The following STAG1 variants were observed in gnomAD, a reference collection of about 807,000 sequenced individuals.
The protein encoded by STAG1 is STAG1 cohesin complex component, also known as cohesin subunit SA-1.
Under a neutral mutation model 170.9 loss-of-function variants are expected in STAG1, and 26 were observed. The observed-to-expected ratio is 0.15, with a 90% CI of 0.11 to 0.21. STAG1 has a LOEUF of 0.21. Among genes scored for constraint, STAG1 ranks in the 10% least tolerant of loss-of-function variants. The probability of loss-of-function intolerance (pLI) is 1.00; values close to 1 mark genes in which losing one functional copy is unlikely to be tolerated. For synonymous variants in STAG1, 514 were observed against 497.7 expected (o/e 1.03, Z -0.44); for missense variants, 964 against 1,509.5 (o/e 0.64, Z 5.99).
chr3:136,550,406 C>T (rs1374122542), intron 5 of STAG1, among the ~76,000 whole-genome samples: 3 of 151,706 alleles, frequency 2.0e-5, no homozygotes, highest in African/African-American at 4.8e-5. Flanking sequence ...CTCCCGGATT[C>T]ACGCCATTCT....
chr3:136,707,187 A>G (rs532293677), intron 1 of STAG1, among the ~76,000 whole-genome samples: 27 of 152,316 alleles, frequency 1.8e-4, no homozygotes, highest in African/African-American at 6.5e-4. Flanking sequence ...CCATGTACCT[A>G]AAGAAAAATT....
chr3:136,358,227 C>G lies in STAG1; in HGVS notation c.2937-379G>C, dbSNP rs149205877. ...AGCCTCCCGAGTAGCTGGGACTACA[C>G]GTGTGTGCCACCACACCTGGGTAAT... On this transcript the variant is annotated intron_variant, in intron 27 of 33. Coordinates refer to ENST00000383202, the MANE Select transcript of STAG1 (RefSeq NM_005862.3). Among the ~76,000 whole-genome samples, 289 of 151,860 alleles carry G rather than the reference C, an allele frequency of 1.9e-3. 8 individuals carry two copies. In the East Asian group the frequency reaches 0.048, roughly 25 times the overall value.
chr3:136,459,244 AAAG>A (rs894531832), intron 13 of STAG1, among the ~76,000 whole-genome samples: 6 of 151,864 alleles, frequency 4.0e-5, no homozygotes, highest in African/African-American at 1.5e-4. Flanking sequence ...AAAGAAAAGA[AAAG>A]AAAAGAAAAA....
At chr3:136,350,961 T>C (rs996944845) in intron 28 of STAG1, among the ~76,000 whole-genome samples, 15 of 152,196 alleles carry the variant, frequency 9.9e-5, no homozygotes, top group Admixed American at 7.2e-4. Context: ...CCTGGAGTCA[T>C]AGTCAATCCT....
At chr3:136,416,296 G>A (rs1334250728) in intron 21 of STAG1, among the ~76,000 whole-genome samples, 3 of 152,132 alleles carry the variant, frequency 2.0e-5, no homozygotes, top group Non-Finnish European at 2.9e-5. Flanking sequence ...GTGAGCCACC[G>A]CGCCCAGCCC....
At chr3:136,630,011 C>A (rs1940267193) in intron 2 of STAG1, among the ~76,000 whole-genome samples, 3 of 152,002 alleles carry the variant, frequency 2.0e-5, no homozygotes, top group Non-Finnish European at 1.5e-5. Flanking sequence ...GCCTGGCCAA[C>A]ATAGTGAAAC....
intron 12 of STAG1, among the ~76,000 whole-genome samples, chr3:136,466,098 CT>C (rs1387173304): frequency 6.6e-6 from 1 of 152,182 alleles, no homozygotes; most frequent in African/African-American, 2.4e-5. Flanking sequence ...CAGATCGCCT[CT>C]CCCCCTCCAA....
At chr3:136,525,915 T>C (rs962665211) in intron 6 of STAG1, among the ~76,000 whole-genome samples, 3 of 152,214 alleles carry the variant, frequency 2.0e-5, no homozygotes, top group African/African-American at 7.2e-5. Flanking sequence ...TTTGAGTGAG[T>C]TTCTTAATCC....
intron 9 of STAG1, among the ~76,000 whole-genome samples, chr3:136,489,586 T>C (rs2090082027): frequency 6.6e-6 from 1 of 152,138 alleles, no homozygotes. Context: ...ACTCTCTAAA[T>C]TGCAGCACCC....
chr3:136,430,645 C>T (rs953325766), intron 16 of STAG1, among the ~76,000 whole-genome samples: 17 of 139,230 alleles, frequency 1.2e-4, no homozygotes, highest in African/African-American at 1.6e-4. Flanking sequence ...AAAAAAAAAG[C>T]GAAAATATCT....
At chr3:136,625,001 A>T (rs190149183) in intron 2 of STAG1, among the ~76,000 whole-genome samples, 327 of 152,304 alleles carry the variant, frequency 2.1e-3, no homozygotes, top group African/African-American at 7.1e-3. Context: ...TTAACTTTTT[A>T]AAACAGATAT....
intron 1 of STAG1, among the ~76,000 whole-genome samples, chr3:136,669,906 A>G (rs1208603152): frequency 6.6e-6 from 1 of 152,254 alleles, no homozygotes. Context: ...TACTCCATAT[A>G]CCATAATAGT....
At chr3:136,379,670 C>T (rs1357077727) in intron 22 of STAG1, among the ~76,000 whole-genome samples, 3 of 152,118 alleles carry the variant, frequency 2.0e-5, no homozygotes, top group African/African-American at 7.2e-5. Context: ...GACTGCGCCA[C>T]TGCACCCCAG....
At chr3:136,576,035 T>A (rs1400952073) in intron 4 of STAG1, among the ~76,000 whole-genome samples, 1 of 152,212 alleles carries the variant, frequency 6.6e-6, no homozygotes, top group African/African-American at 2.4e-5. Context: ...GAGAAAATAT[T>A]TATTTGCATG....
intron 6 of STAG1, among the ~76,000 whole-genome samples, chr3:136,521,666 T>C (rs1417892633): frequency 2.0e-5 from 3 of 152,168 alleles, no homozygotes; most frequent in East Asian, 1.9e-4. Flanking sequence ...AAGTCTTTGG[T>C]TGAAAATAAT....
rs1943496086 is a variant in STAG1 at position 136,714,992 on chromosome 3, T to TAAA, written c.-84+37202_-84+37203insTTT. On this transcript the variant is annotated intron_variant, in intron 1 of 33. Transcript: ENST00000383202. ...TATATATATATTTTTATATATATAT[T>TAAA]TTATATATATAATATATATATAAAA... Among the ~76,000 whole-genome samples the TAAA allele has an allele frequency of 4.5e-5, 5 of 110,854 alleles. No individual in the cohort carries two copies. In the Admixed American group the frequency reaches 5.1e-4, roughly 11 times the overall value. The allele number at this position is 110,854 out of a possible 152,430, so 72.7% of individuals were successfully genotyped here.
chr3:136,358,088 ATTT>A (rs68065485), intron 27 of STAG1, among the ~76,000 whole-genome samples: 13 of 140,654 alleles, frequency 9.2e-5, no homozygotes, highest in East Asian at 2.0e-4. Context: ...CTAAATTCGT[ATTT>A]TTTTTTTTTT....
At chr3:136,548,079 C>T (rs1936233953) in intron 5 of STAG1, among the ~76,000 whole-genome samples, 1 of 151,974 alleles carries the variant, frequency 6.6e-6, no homozygotes, top group South Asian at 2.1e-4. Context: ...ACATTAGTTG[C>T]TATGCCTATC....
chr3:136,360,288 C>T (rs184639804), intron 26 of STAG1, among the ~76,000 whole-genome samples: 23 of 152,246 alleles, frequency 1.5e-4, no homozygotes, highest in Middle Eastern at 6.8e-3. Context: ...TGTAAGGTTT[C>T]GCCTGCTCAA....
Sources: allele counts gnomAD v4.1 joint callset (sites outside exome capture counted in the v4.1 genomes callset), GRCh38; gene constraint gnomAD v4.1.1; transcripts MANE v1.5; gene names NCBI Gene and HGNC (gene_info 2026-07-23, HGNC 2026-07-21).